ZNF236: variants seen among roughly 807,000 people sequenced by gnomAD.
ZNF236 encodes zinc finger protein 236, also known as regulated by glucose.
In ZNF236, 50 loss-of-function variants were observed where a neutral mutation model predicts 191.2. That is an observed-to-expected ratio of 0.26 (90% CI 0.21 to 0.33). ZNF236 has a LOEUF of 0.33. Among genes scored for constraint, ZNF236 ranks in the 10% least tolerant of loss-of-function variants. ZNF236 has a pLI of 1.00. For synonymous variants in ZNF236, 907 were observed against 928.8 expected (o/e 0.98, Z 0.43); for missense variants, 1,754 against 2,374.5 (o/e 0.74, Z 5.43).
At position 76,875,228 on chromosome 18, in the gene ZNF236, G is replaced by T. The variant is rs1386638603; in HGVS notation, c.668-264G>T. 6.6e-6 allele frequency among the ~76,000 whole-genome samples: 1 copy of T among 151,100 alleles called. No homozygotes were observed. Among genetic ancestry groups the T allele is most frequent in the African/African-American group, 2.4e-5 (1 of 41,360 alleles). On this transcript the variant is annotated intron_variant, in intron 5 of 30. Transcript: ENST00000320610. The surrounding 1 kb of genome is among the most constrained non-coding windows in gnomAD (Gnocchi z 4.3). ...CCAAGGTTTTTTGCCTGATCCCCTG[G>T]AAGGATGGCATTGCCTGATCCCCTG...
chr18:76,889,175 G>A (rs1239100523), intron 9 of ZNF236, among the ~76,000 whole-genome samples: 3 of 152,174 alleles, frequency 2.0e-5, no homozygotes, highest in East Asian at 1.9e-4. Context: ...ACCTCAGGCC[G>A]TGTCCTTCTT....
intron 3 of ZNF236, among the ~76,000 whole-genome samples, chr18:76,858,430 T>A (rs921210024): frequency 6.6e-6 from 1 of 152,212 alleles, no homozygotes; most frequent in African/African-American, 2.4e-5. Flanking sequence ...CACTAAATAC[T>A]TCAGGATGTA....
rs141196837 is a variant in ZNF236, at chr18:76,954,922, C to T, written c.4915-1063C>T. 7.3e-4 allele frequency among the ~76,000 whole-genome samples: 111 copies of T among 152,232 alleles called. 2 individuals carry two copies. The East Asian group carries it at 0.02, about 27-fold the overall frequency. On this transcript the variant is annotated intron_variant, in intron 27 of 30. Transcript: ENST00000320610. ...TATAGCACAGATTAATAATATAGCA[C>T]CCTGTATAAATCTTTTTTGTTGTTT...
intron 16 of ZNF236, among the ~76,000 whole-genome samples, chr18:76,911,748 G>A (rs1373733793): frequency 6.6e-6 from 1 of 152,138 alleles, no homozygotes; most frequent in African/African-American, 2.4e-5. Context: ...CCAGATTTTT[G>A]TTTTGTCCTT....
At position 76,871,691 on chromosome 18, in the gene ZNF236, A is replaced by G; in HGVS notation, c.543-10A>G. 6.2e-7 allele frequency: 1 copy of G among 1,613,902 alleles called. No individual in the cohort carries two copies. The highest frequency in any genetic ancestry group is 8.5e-7 in the Non-Finnish European group (1 of 1,179,880). ...CTTACTGTGTATTTTGCCCCCCTTTATTACACTAGGGTATCAAGTACAAGG... is the reference window on the plus strand; with the variant it reads ...CTTACTGTGTATTTTGCCCCCCTTTGTTACACTAGGGTATCAAGTACAAGG... On this transcript the variant is annotated splice_polypyrimidine_tract_variant and intron_variant, in intron 4 of 30. Coordinates refer to ENST00000320610, the MANE Select transcript of ZNF236 (RefSeq NM_001306089.2).
At chr18:76,823,176 A>G (rs958351326) in intron 1 of ZNF236, among the ~76,000 whole-genome samples, 7 of 152,072 alleles carry the variant, frequency 4.6e-5, no homozygotes, top group African/African-American at 9.6e-5. Context: ...GGCTCGGCCC[A>G]CAGGGAGGCC....
At chr18:76,949,551 G>A (rs1003707775) in intron 27 of ZNF236, among the ~76,000 whole-genome samples, 1 of 151,948 alleles carries the variant, frequency 6.6e-6, no homozygotes, top group African/African-American at 2.4e-5. Flanking sequence ...GCAATAAAGC[G>A]ATTATCACAA....
intron 10 of ZNF236, among the ~76,000 whole-genome samples, chr18:76,896,127 G>A (rs932295432): frequency 2.0e-5 from 3 of 151,800 alleles, no homozygotes; most frequent in African/African-American, 4.8e-5. Flanking sequence ...CCACACGCAA[G>A]TACAGCTTGC....
chr18:76,967,928 G>C (rs1599434838), intron 30 of ZNF236, among the ~76,000 whole-genome samples: 2 of 152,154 alleles, frequency 1.3e-5, no homozygotes, highest in East Asian at 3.8e-4. Context: ...TGGAAATCAT[G>C]TGTGTTGGTT....
chr18:76,942,322 G>GA (rs2122897026), intron 26 of ZNF236, among the ~76,000 whole-genome samples: 1 of 152,230 alleles, frequency 6.6e-6, no homozygotes, highest in East Asian at 1.9e-4. Flanking sequence ...TAAATGGACT[G>GA]AAGGAAACAG....
chr18:76,871,874 A>G, intron 5 of ZNF236, 49 bp downstream of exon 5: 2 of 1,606,462 alleles, frequency 1.2e-6, no homozygotes, highest in Non-Finnish European at 1.7e-6. Flanking sequence ...CTGGAAGGGA[A>G]GAACAGGTGC....
chr18:76,961,763 G>C (rs1438203244), intron 30 of ZNF236, among the ~76,000 whole-genome samples: 1 of 151,664 alleles, frequency 6.6e-6, no homozygotes, highest in African/African-American at 2.4e-5. Flanking sequence ...GGCCATTCTT[G>C]CGTGAGTAAA....
At chr18:76,823,037 G>A (rs1487712689) in intron 1 of ZNF236, among the ~76,000 whole-genome samples, 8 of 149,326 alleles carry the variant, frequency 5.4e-5, no homozygotes, top group Non-Finnish European at 9.0e-5. Flanking sequence ...TCCCGGGGCC[G>A]GAGGGCCGCG....
intron 30 of ZNF236, among the ~76,000 whole-genome samples, chr18:76,961,058 G>A (rs911800610): frequency 2.0e-5 from 3 of 152,312 alleles, no homozygotes; most frequent in Middle Eastern, 3.4e-3. Context: ...TTGGTTACAT[G>A]AGTAAGTTCT....
At chr18:76,895,421 C>A in intron 10 of ZNF236, 136 bp downstream of exon 10, 2 of 1,191,872 alleles carry the variant, frequency 1.7e-6, no homozygotes, top group Non-Finnish European at 2.3e-6. Flanking sequence ...ACAGGGACTG[C>A]ACAAAGTATC....
intron 1 of ZNF236, among the ~76,000 whole-genome samples, chr18:76,848,859 G>T (rs1975778199): frequency 6.6e-6 from 1 of 152,162 alleles, no homozygotes; most frequent in African/African-American, 2.4e-5. Context: ...GGGTCTCACT[G>T]TGTTGCTCAG....
chr18:76,847,599 G>A (rs1246882520), intron 1 of ZNF236, among the ~76,000 whole-genome samples: 1 of 152,070 alleles, frequency 6.6e-6, no homozygotes, highest in Non-Finnish European at 1.5e-5. Flanking sequence ...CCGAGTAGCT[G>A]GGGCTACAGG....
At chr18:76,952,662 G>A (rs1399904911) in intron 27 of ZNF236, among the ~76,000 whole-genome samples, 4 of 152,168 alleles carry the variant, frequency 2.6e-5, no homozygotes, top group Non-Finnish European at 5.9e-5. Context: ...GACAGAGGTG[G>A]CCAGGCACAG....
intron 11 of ZNF236, among the ~76,000 whole-genome samples, chr18:76,901,683 A>G (rs1289840184): frequency 1.3e-5 from 2 of 152,048 alleles, no homozygotes; most frequent in African/African-American, 4.8e-5. Flanking sequence ...GCTTGAACCC[A>G]GGAGGCAGAG....
Sources: gnomAD v4.1 joint callset for allele counts (sites outside exome capture counted in the v4.1 genomes callset) on GRCh38, gnomAD v4.1.1 for gene constraint, Gnocchi (gnomAD v3.1) non-coding constraint, MANE v1.5 for transcripts, NCBI Gene and HGNC (gene_info 2026-07-23, HGNC 2026-07-21) for gene names.